CLSTN2: variants seen among roughly 807,000 people sequenced by gnomAD.
CLSTN2 encodes calsyntenin-2.
A neutral mutation model predicts 101.2 loss-of-function variants in CLSTN2; 48 were observed. That is an observed-to-expected ratio of 0.47 (90% CI 0.38 to 0.60). CLSTN2 has a LOEUF of 0.60. Ranked by LOEUF, CLSTN2 falls within the 20% of genes least tolerant of loss-of-function variation. The pLI is 0.00. For synonymous variants in CLSTN2, 481 were observed against 463.6 expected, an observed-to-expected ratio of 1.04 and a Z score of -0.48; for missense variants, 1,160 against 1,238.2, an observed-to-expected ratio of 0.94 and a Z score of 0.95.
chr3:140,110,430 T>C (rs545605666), intron 1 of CLSTN2, among the ~76,000 whole-genome samples: 1 of 152,238 alleles, frequency 6.6e-6, no homozygotes, highest in Non-Finnish European at 1.5e-5. Context: ...CCATGGGGCA[T>C]CGTGTTATTG....
intron 2 of CLSTN2, among the ~76,000 whole-genome samples, chr3:140,183,051 C>T (rs1292747385): frequency 6.6e-6 from 1 of 152,148 alleles, no homozygotes; most frequent in Non-Finnish European, 1.5e-5. Context: ...TAAATACCTA[C>T]AGCAGGGACC....
chr3:140,185,706 G>A (rs1055981841), intron 2 of CLSTN2, among the ~76,000 whole-genome samples: 3 of 152,028 alleles, frequency 2.0e-5, no homozygotes, highest in African/African-American at 4.8e-5. Flanking sequence ...TGGGGGGCAC[G>A]TGGGGAAGGG....
chr3:140,441,657 C>A (rs1254155176), intron 5 of CLSTN2, among the ~76,000 whole-genome samples: 2 of 152,206 alleles, frequency 1.3e-5, no homozygotes, highest in African/African-American at 4.8e-5. Flanking sequence ...GACACCTTGG[C>A]CCTACCCACC....
chr3:140,368,608 TA>T (rs1397285836), intron 2 of CLSTN2, among the ~76,000 whole-genome samples: 2 of 152,130 alleles, frequency 1.3e-5, no homozygotes, highest in African/African-American at 2.4e-5. Context: ...CCATCATGAA[TA>T]GGCCACTTAG....
intron 5 of CLSTN2, among the ~76,000 whole-genome samples, chr3:140,448,242 T>TGC (rs1439883143): frequency 2.3e-4 from 33 of 144,540 alleles, no homozygotes; most frequent in South Asian, 1.3e-3. Context: ...TGTGTGTGTG[T>TGC]GCTCATGTGA....
intron 2 of CLSTN2, among the ~76,000 whole-genome samples, chr3:140,397,640 C>A (rs1371782809): frequency 6.6e-6 from 1 of 152,046 alleles, no homozygotes; most frequent in Non-Finnish European, 1.5e-5. Flanking sequence ...CTGAAGAGGA[C>A]AGGGATCTCT....
Position 140,556,559 on chromosome 3 carries a change from A to G in CLSTN2, c.1721A>G (p.Asp574Gly). 6.2e-7 allele frequency: 1 copy of G among 1,614,116 alleles called. No homozygotes were observed. Among genetic ancestry groups the G allele is most frequent in the Non-Finnish European group, 8.5e-7 (1 of 1,179,972 alleles). Residue 574 changes from aspartate to glycine, a missense_variant, in exon 11 of 17, where the codon GAC becomes GGC. Asp to Gly is a moderately conservative substitution (Grantham distance 94). Coordinates refer to ENST00000458420, the MANE Select transcript of CLSTN2 (RefSeq NM_022131.3). ...TCCATCCTGGTGATGGAAGGTGACG[A>G]CATTGGGAACATTAACCGTGCTCTC... ...SQSILVMEGDDIGNINRALQK... is the reference protein window; with the variant it reads ...SQSILVMEGDGIGNINRALQK...
At chr3:140,200,168 C>T (rs944371333) in intron 2 of CLSTN2, among the ~76,000 whole-genome samples, 33 of 152,178 alleles carry the variant, frequency 2.2e-4, no homozygotes, top group Admixed American at 2.0e-3. Flanking sequence ...CAAGTTTGAT[C>T]TTGATCAAGG....
At chr3:140,087,400 C>A (rs1205248714) in intron 1 of CLSTN2, among the ~76,000 whole-genome samples, 1 of 152,146 alleles carries the variant, frequency 6.6e-6, no homozygotes, top group Non-Finnish European at 1.5e-5. Flanking sequence ...TTTTTAAGAT[C>A]CAAGGTAAAT....
chr3:140,344,403 C>A (rs1206485097), intron 2 of CLSTN2, among the ~76,000 whole-genome samples: 1 of 152,180 alleles, frequency 6.6e-6, no homozygotes, highest in Non-Finnish European at 1.5e-5. Flanking sequence ...AGTTGTATTG[C>A]CACTCCAACA....
At chr3:140,494,743 T>C (rs1448828327) in intron 8 of CLSTN2, among the ~76,000 whole-genome samples, 2 of 152,184 alleles carry the variant, frequency 1.3e-5, no homozygotes, top group African/African-American at 4.8e-5. Flanking sequence ...GTGAGTTTGC[T>C]AAGGATAATG....
intron 2 of CLSTN2, among the ~76,000 whole-genome samples, chr3:140,276,285 A>C (rs995554186): frequency 6.6e-6 from 1 of 152,314 alleles, no homozygotes; most frequent in East Asian, 1.9e-4. Context: ...TCCCCTTGGC[A>C]TGCCCAGTTT....
At chr3:140,488,268 C>A (rs937475329) in intron 8 of CLSTN2, among the ~76,000 whole-genome samples, 4 of 152,136 alleles carry the variant, frequency 2.6e-5, no homozygotes, top group Non-Finnish European at 5.9e-5. Flanking sequence ...ATTTCAGGGA[C>A]AAATGTTCAT....
chr3:140,239,796 A>G (rs60548770), intron 2 of CLSTN2, among the ~76,000 whole-genome samples: 5,614 of 152,222 alleles, frequency 0.037, 325 homozygotes, highest in African/African-American at 0.13. Context: ...GTGAAATGCC[A>G]TTGATTATAA....
chr3:140,351,847 T>C (rs115222626), intron 2 of CLSTN2, among the ~76,000 whole-genome samples: 95 of 152,110 alleles, frequency 6.2e-4, no homozygotes, highest in African/African-American at 2.0e-3. Flanking sequence ...TGCAAAGGCA[T>C]TGATGCATAA....
At chr3:139,992,770 G>A (rs1339518325) in intron 1 of CLSTN2, among the ~76,000 whole-genome samples, 1 of 152,156 alleles carries the variant, frequency 6.6e-6, no homozygotes, top group Non-Finnish European at 1.5e-5. Flanking sequence ...CAGGAGCTCT[G>A]GAGAGGAGGC....
At chr3:140,516,955 C>T (rs1205014572) in intron 8 of CLSTN2, among the ~76,000 whole-genome samples, 19 of 152,142 alleles carry the variant, frequency 1.2e-4, no homozygotes, top group Non-Finnish European at 2.8e-4. Flanking sequence ...TCTTCCTCCT[C>T]AAGAACATCA....
intron 2 of CLSTN2, among the ~76,000 whole-genome samples, chr3:140,234,217 T>G (rs1357735309): frequency 6.6e-6 from 1 of 152,230 alleles, no homozygotes; most frequent in Non-Finnish European, 1.5e-5. Flanking sequence ...AAGCTTTATG[T>G]TTTTGTAAGT....
At chr3:140,405,731 A>G (rs1370320145) in intron 4 of CLSTN2, among the ~76,000 whole-genome samples, 1 of 152,226 alleles carries the variant, frequency 6.6e-6, no homozygotes, top group Non-Finnish European at 1.5e-5. Context: ...CAGAGCCCCA[A>G]CAAACTCAGC....
Sources: allele counts gnomAD v4.1 joint callset (sites outside exome capture counted in the v4.1 genomes callset), GRCh38; gene constraint gnomAD v4.1.1; transcripts MANE v1.5; gene names NCBI Gene and HGNC (gene_info 2026-07-23, HGNC 2026-07-21).